SH3GL2: variants seen among roughly 807,000 people sequenced by gnomAD.
SH3GL2 encodes the protein SH3 domain containing GRB2 like 2, endophilin A1, also known as endophilin-A1.
In SH3GL2, 24 loss-of-function variants were observed where a neutral mutation model predicts 46.0. The ratio of observed to expected loss-of-function variants is 0.52; its 90% CI spans 0.38 to 0.73. SH3GL2 has a LOEUF of 0.73. Ranked by LOEUF, SH3GL2 falls within the 30% of genes least tolerant of loss-of-function variation. The pLI is 0.00. For missense variants in SH3GL2, 413 were observed against 424.2 expected (o/e 0.97, Z 0.23); for synonymous variants, 196 against 147.1 (o/e 1.33, Z -2.40).
At chr9:17,763,573 C>G (rs1287617654) in intron 3 of SH3GL2, among the ~76,000 whole-genome samples, 2 of 152,168 alleles carry the variant, frequency 1.3e-5, no homozygotes, top group Non-Finnish European at 1.5e-5. Context: ...GAAGGATTCT[C>G]TCAGAGCCTC....
intron 1 of SH3GL2, among the ~76,000 whole-genome samples, chr9:17,586,904 CT>C (rs1448563371): frequency 2.0e-5 from 3 of 152,190 alleles, no homozygotes; most frequent in African/African-American, 7.2e-5. Context: ...ATAGCCTATG[CT>C]TTTAAACGTA....
intron 2 of SH3GL2, among the ~76,000 whole-genome samples, chr9:17,751,281 T>G (rs1160345363): frequency 6.6e-6 from 1 of 152,070 alleles, no homozygotes; most frequent in Non-Finnish European, 1.5e-5. Context: ...GTGGAGAAAG[T>G]CCAATAGGAA....
chr9:17,600,302 T>C (rs1818645520), intron 1 of SH3GL2, among the ~76,000 whole-genome samples: 1 of 152,204 alleles, frequency 6.6e-6, no homozygotes, highest in Non-Finnish European at 1.5e-5. Context: ...TGTCCTATGT[T>C]CTTCAGCCTT....
At chr9:17,601,686 A>G (rs1011669273) in intron 1 of SH3GL2, among the ~76,000 whole-genome samples, 12 of 152,310 alleles carry the variant, frequency 7.9e-5, no homozygotes, top group Non-Finnish European at 1.6e-4. Flanking sequence ...TGAGTGGTTC[A>G]ATAACATTGT....
intron 1 of SH3GL2, among the ~76,000 whole-genome samples, chr9:17,711,224 T>G (rs1414178903): frequency 6.6e-6 from 1 of 151,932 alleles, no homozygotes. Context: ...CCATTAGTGT[T>G]TTTTTATTTG....
intron 2 of SH3GL2, 41 bp downstream of exon 2, chr9:17,747,175 C>A (rs3780226): frequency 0.42 from 539,757 of 1,285,640 alleles, 115,133 homozygotes; most frequent in African/African-American, 0.51. Context: ...TTGACATAAA[C>A]ATGTCTACCA....
chr9:17,792,137 C>A (rs1020776309), intron 7 of SH3GL2, among the ~76,000 whole-genome samples: 1 of 152,192 alleles, frequency 6.6e-6, no homozygotes, highest in Non-Finnish European at 1.5e-5. Context: ...TGGCTGCCTG[C>A]GTGAAGAAGA....
chr9:17,699,025 C>T (rs575040434), intron 1 of SH3GL2, among the ~76,000 whole-genome samples: 9 of 151,494 alleles, frequency 5.9e-5, no homozygotes, highest in East Asian at 2.0e-4. Flanking sequence ...CATGGTGGTG[C>T]GTGCCTGCAG....
chr9:17,792,412 T>C (rs950552389), intron 7 of SH3GL2, among the ~76,000 whole-genome samples: 4 of 152,198 alleles, frequency 2.6e-5, no homozygotes. Flanking sequence ...AAAGTCAGTA[T>C]CATTCTACAG....
chr9:17,752,189 A>G (rs1243682162), intron 2 of SH3GL2, among the ~76,000 whole-genome samples: 1 of 152,102 alleles, frequency 6.6e-6, no homozygotes, highest in African/African-American at 2.4e-5. Flanking sequence ...TCAGCAGGGG[A>G]CTATTAAAAA....
At chr9:17,643,999 C>T (rs1326006074) in intron 1 of SH3GL2, among the ~76,000 whole-genome samples, 2 of 152,160 alleles carry the variant, frequency 1.3e-5, no homozygotes, top group East Asian at 3.9e-4. Flanking sequence ...TAATTACTGC[C>T]TCAATTTCAG....
chr9:17,680,773 A>G (rs1383403970), intron 1 of SH3GL2, among the ~76,000 whole-genome samples: 3 of 152,138 alleles, frequency 2.0e-5, no homozygotes, highest in African/African-American at 4.8e-5. Flanking sequence ...ATTTAGTGCT[A>G]TAAATTTCCC....
chr9:17,792,931 T>C (rs900327966), intron 7 of SH3GL2, among the ~76,000 whole-genome samples: 1 of 152,212 alleles, frequency 6.6e-6, no homozygotes, highest in Non-Finnish European at 1.5e-5. Flanking sequence ...TGTGGGTACA[T>C]AGGTGTATAT....
chr9:17,734,907 C>T (rs2118447339), intron 1 of SH3GL2, among the ~76,000 whole-genome samples: 1 of 152,176 alleles, frequency 6.6e-6, no homozygotes, highest in Admixed American at 6.5e-5. Flanking sequence ...TCTGTAAATA[C>T]ACTAAAAATC....
intron 1 of SH3GL2, among the ~76,000 whole-genome samples, chr9:17,630,668 C>G (rs1246614560): frequency 6.6e-6 from 1 of 152,170 alleles, no homozygotes; most frequent in Non-Finnish European, 1.5e-5. Flanking sequence ...GAGACTAGGG[C>G]AGGCCAAAGA....
rs115992824 is a variant in SH3GL2 at position 17,731,602 on chromosome 9, T to A, written c.46-15464T>A. The stretch of plus-strand genomic sequence containing the variant: ...ACCAACCATGTTGGCACTCTTATCT[T>A]GGGCTTCTAGTTCTAGAACCACAAG... On this transcript the variant is annotated intron_variant, in intron 1 of 8. Transcript: ENST00000380607. Among the ~76,000 whole-genome samples, 556 of 152,266 alleles carry A rather than the reference T, an allele frequency of 3.7e-3. 6 individuals are homozygous for A. Among genetic ancestry groups the A allele is most frequent in the African/African-American group, 0.011 (451 of 41,566 alleles).
chr9:17,787,571 C>T, intron 5 of SH3GL2, 58 bp downstream of exon 5: 1 of 1,439,330 alleles, frequency 6.9e-7, no homozygotes, highest in Non-Finnish European at 9.6e-7. Context: ...ATGCAGATGC[C>T]TTTTTTCTTT....
At chr9:17,684,027 G>T (rs945595218) in intron 1 of SH3GL2, among the ~76,000 whole-genome samples, 6 of 152,028 alleles carry the variant, frequency 3.9e-5, no homozygotes, top group African/African-American at 1.4e-4. Context: ...AAGATGGCTG[G>T]CTTTTAACCA....
At chr9:17,677,781 C>T (rs1406800499) in intron 1 of SH3GL2, among the ~76,000 whole-genome samples, 4 of 151,216 alleles carry the variant, frequency 2.6e-5, no homozygotes, top group African/African-American at 9.7e-5. Context: ...CCTCCTACCT[C>T]CCCCCACCCC....
Sources: gnomAD v4.1 joint callset for allele counts (sites outside exome capture counted in the v4.1 genomes callset) on GRCh38, gnomAD v4.1.1 for gene constraint, MANE v1.5 for transcripts, NCBI Gene and HGNC (gene_info 2026-07-23, HGNC 2026-07-21) for gene names.